Variants in NEBL observed in about 807,000 individuals in gnomAD.
NEBL encodes the protein LIM and SH3 protein 2.
In NEBL, 122 loss-of-function variants were observed where a neutral mutation model predicts 140.2. The observed-to-expected ratio is 0.87, with a 90% CI of 0.75 to 1.01. The LOEUF is 1.01. Among genes scored for constraint, NEBL ranks in the 50% least tolerant of loss-of-function variants. The probability of loss-of-function intolerance (pLI) is 0.00; values close to 1 mark genes in which losing one functional copy is unlikely to be tolerated. For synonymous variants in NEBL, 436 were observed against 398.9 expected (o/e 1.09, Z -1.11); for missense variants, 1,365 against 1,231.3 (o/e 1.11, Z -1.62).
Position 21,245,036 on chromosome 10 carries a change from GC to G in NEBL, n.348+2884del, listed in dbSNP as rs1287393922. ...TAATTAGCCAGGCATGGTGGCACAA[GC>G]CTGTAGACCCAGCTATTCAGAGGAG... On this transcript the variant is annotated intron_variant and non_coding_transcript_variant, in intron 3 of 8. Transcript: ENST00000675702. Among the ~76,000 whole-genome samples the G allele has an allele frequency of 6.6e-5, 10 of 151,936 alleles. No individual in the cohort carries two copies. The East Asian group carries it at 1.9e-3, about 29-fold the overall frequency.
rs1394452473 is a variant in NEBL at position 21,264,930 on chromosome 10, A to ATTTTATTTTTAT, written n.183-13114_183-13103dup. Among the ~76,000 whole-genome samples, 32 of 151,380 alleles carry ATTTTATTTTTAT rather than the reference A, an allele frequency of 2.1e-4. 1 individual carries two copies. Among genetic ancestry groups the ATTTTATTTTTAT allele is most frequent in the African/African-American group, 7.3e-4 (30 of 41,284 alleles). On this transcript the variant is annotated intron_variant and non_coding_transcript_variant, in intron 1 of 8. Coordinates refer to the NEBL transcript ENST00000675702. ...GAGCTTGCTGAGCCTCTTTTATTTT[A>ATTTTATTTTTAT]TTTTATTTTTATTTTTATTTTTATT...
At chr10:20,812,734 C>T (rs370812626) in intron 24 of NEBL, 35 bp downstream of exon 24, 3 of 1,612,168 alleles carry the variant, frequency 1.9e-6, no homozygotes, top group East Asian at 2.2e-5. Flanking sequence ...ATCTTTTCGA[C>T]CACACACACC....
At chr10:21,088,456 C>T (rs1411008299) in intron 2 of NEBL, among the ~76,000 whole-genome samples, 1 of 152,154 alleles carries the variant, frequency 6.6e-6, no homozygotes, top group African/African-American at 2.4e-5. Flanking sequence ...TGCACTCCAA[C>T]CTGGTTGTCA....
At chr10:21,214,598 T>C (rs965020382) in intron 3 of NEBL, among the ~76,000 whole-genome samples, 29 of 149,828 alleles carry the variant, frequency 1.9e-4, no homozygotes, top group African/African-American at 6.9e-4. Flanking sequence ...TACACACACA[T>C]ATACACATGC....
chr10:21,188,536 A>G (rs1375184482), intron 3 of NEBL, among the ~76,000 whole-genome samples: 1 of 151,996 alleles, frequency 6.6e-6, no homozygotes, highest in Admixed American at 6.5e-5. Flanking sequence ...TAAGTATAAT[A>G]GTTGCAAAAT....
chr10:21,275,283 C>T (rs922830388), intron 1 of NEBL, among the ~76,000 whole-genome samples: 4 of 152,320 alleles, frequency 2.6e-5, no homozygotes, highest in East Asian at 1.9e-4. Flanking sequence ...TTAATAAATA[C>T]ACTGGCTTTC....
At chr10:21,072,501 AGTG>A in intron 2 of NEBL, among the ~76,000 whole-genome samples, 1 of 152,358 alleles carries the variant, frequency 6.6e-6, no homozygotes, top group East Asian at 1.9e-4. Context: ...TTCTGGAACA[AGTG>A]GTAGGGCAAC....
At chr10:20,865,362 T>C (rs1844167894) in intron 7 of NEBL, among the ~76,000 whole-genome samples, 1 of 152,158 alleles carries the variant, frequency 6.6e-6, no homozygotes, top group African/African-American at 2.4e-5. Context: ...GTAAATACTG[T>C]TGCTGTCATC....
At chr10:20,890,840 C>T (rs1846969788) in intron 2 of NEBL, among the ~76,000 whole-genome samples, 1 of 152,216 alleles carries the variant, frequency 6.6e-6, no homozygotes, top group South Asian at 2.1e-4. Flanking sequence ...GCTGCACAAT[C>T]TGGAAACTGG....
At chr10:20,960,633 TTATATGTGTG>T (rs972434957) in intron 4 of NEBL, among the ~76,000 whole-genome samples, 6 of 152,214 alleles carry the variant, frequency 3.9e-5, no homozygotes, top group East Asian at 1.9e-4. Context: ...TCTGCAAATT[TTATATGTGTG>T]TATATGTGTG....
Position 20,959,374 on chromosome 10 carries a change from C to T in NEBL, c.357+2298G>A, listed in dbSNP as rs1326528428. Among the ~76,000 whole-genome samples, 5 of 152,066 alleles carry T rather than the reference C, an allele frequency of 3.3e-5. No homozygotes were observed. The East Asian group carries it at 9.6e-4, about 29-fold the overall frequency. On this transcript the variant is annotated intron_variant, in intron 4 of 6. Coordinates refer to the NEBL transcript ENST00000417816. ...AGTCTAGACACTTTCTCACCTGTTT[C>T]CTCTCATAACAGACACAATCCAGCC... is the stretch of plus-strand genomic sequence containing the variant.
At chr10:21,095,576 T>C (rs1837148366) in intron 2 of NEBL, among the ~76,000 whole-genome samples, 1 of 152,234 alleles carries the variant, frequency 6.6e-6, no homozygotes, top group African/African-American at 2.4e-5. Context: ...TTATTTAGGA[T>C]GTGATTTTAA....
intron 2 of NEBL, among the ~76,000 whole-genome samples, chr10:21,084,716 G>A (rs1198373004): frequency 1.3e-5 from 2 of 152,138 alleles, no homozygotes; most frequent in Non-Finnish European, 2.9e-5. Context: ...ATTCAGGATG[G>A]ACGTCTAAGA....
intron 27 of NEBL, among the ~76,000 whole-genome samples, chr10:20,786,321 T>C (rs955289328): frequency 1.3e-5 from 2 of 152,272 alleles, no homozygotes; most frequent in Admixed American, 1.3e-4. Flanking sequence ...TTTCTTAAGT[T>C]GATGCTAAAA....
At chr10:21,174,161 C>A in exon 1 of NEBL, 1 of 485,848 alleles carries the variant, frequency 2.1e-6, no homozygotes, top group South Asian at 8.3e-5. Flanking sequence ...CACTCGCTCC[C>A]CCGCCTCGCC....
chr10:20,791,393 T>C (rs1835960352), intron 26 of NEBL, among the ~76,000 whole-genome samples: 1 of 151,694 alleles, frequency 6.6e-6, no homozygotes, highest in Non-Finnish European at 1.5e-5. Flanking sequence ...GGAAGAAAAG[T>C]TTTGTTTTTT....
chr10:21,143,773 C>T lies in NEBL; in HGVS notation c.164+28610G>A, dbSNP rs539460511. On this transcript the variant is annotated intron_variant, in intron 2 of 6. Transcript: ENST00000417816. ...GAGAGCTCTGAAGGTTGCTTCCAGC[C>T]TTTACGAACAAATAAATACATCTAG... Among the ~76,000 whole-genome samples, 8 of 151,912 alleles carry T rather than the reference C, an allele frequency of 5.3e-5. No homozygotes were observed. In the East Asian group the frequency reaches 1.6e-3, roughly 29 times the overall value.
At chr10:20,986,503 C>T (rs1466335655) in intron 3 of NEBL, among the ~76,000 whole-genome samples, 1 of 152,182 alleles carries the variant, frequency 6.6e-6, no homozygotes, top group Non-Finnish European at 1.5e-5. Context: ...TCAAGGTTTG[C>T]CAGCCTTCCA....
intron 2 of NEBL, among the ~76,000 whole-genome samples, chr10:21,046,281 T>C (rs1350191592): frequency 6.6e-6 from 1 of 152,198 alleles, no homozygotes; most frequent in Non-Finnish European, 1.5e-5. Flanking sequence ...CAGTTAGGAT[T>C]AGTCAGTTCT....
Sources: allele counts gnomAD v4.1 joint callset (sites outside exome capture counted in the v4.1 genomes callset), GRCh38; gene constraint gnomAD v4.1.1; transcripts MANE v1.5; gene names NCBI Gene and HGNC (gene_info 2026-07-23, HGNC 2026-07-21).